Variants in SIM2 observed in about 807,000 individuals in gnomAD.
SIM2 encodes the protein SIM bHLH transcription factor 2, also known as single-minded homolog 2.
Under a neutral mutation model 64.8 loss-of-function variants are expected in SIM2, and 28 were observed. That is an observed-to-expected ratio of 0.43 (90% confidence interval 0.32 to 0.59). The LOEUF is 0.59. SIM2 is among the 20% of genes least tolerant of loss of function. The pLI, the probability that SIM2 is intolerant of heterozygous loss-of-function variation, is 0.07. For missense variants in SIM2, 847 were observed against 871.4 expected, an observed-to-expected ratio of 0.97 and a Z score of 0.35; for synonymous variants, 408 against 391.1, an observed-to-expected ratio of 1.04 and a Z score of -0.51.
Position 36,748,758 on chromosome 21 carries a change from T to C in SIM2, c.*666T>C, listed in dbSNP as rs1256764428. 1.3e-5 allele frequency: 2 copies of C among 152,642 alleles called. No homozygotes were observed. Among genetic ancestry groups the C allele is most frequent in the East Asian group, 3.8e-4 (2 of 5,196 alleles). The allele number at this position is 152,642 out of a possible 1,614,324, so 9.5% of individuals were successfully genotyped here. ...GTGCTTCCCAAATACATTAACAAGC[T>C]CTTACTTCCCCCTAACCCCTATGAA... On this transcript the variant is annotated 3_prime_UTR_variant, in exon 11 of 11. Coordinates refer to ENST00000290399, the MANE Select transcript of SIM2 (RefSeq NM_005069.6).
intron 9 of SIM2, 57 bp downstream of exon 9, chr21:36,743,612 C>T: frequency 2.0e-6 from 3 of 1,484,182 alleles, no homozygotes; most frequent in South Asian, 1.2e-5. Flanking sequence ...GGGTTCGGGA[C>T]ACCTGGACAC....
At chr21:36,727,403 G>T (rs1370632055) in intron 6 of SIM2, among the ~76,000 whole-genome samples, 1 of 152,214 alleles carries the variant, frequency 6.6e-6, no homozygotes, top group East Asian at 1.9e-4. Flanking sequence ...TGTGGTGTTT[G>T]TGGGGTACAT....
Position 36,709,265 on chromosome 21 carries a change from CCGG to C in SIM2, c.258+16_258+18del. 6.3e-7 allele frequency: 1 copy of C among 1,579,872 alleles called. No individual in the cohort carries two copies. The highest frequency in any genetic ancestry group is 8.6e-7 in the Non-Finnish European group (1 of 1,164,688). The stretch of plus-strand genomic sequence containing the variant: ...ACTTGCTGCAGGTAGAGCGGCCTCG[CCGG>C]GGGAGGAGCGCAGCCGCCGCAGGCT... On this transcript the variant is annotated intron_variant, in intron 2 of 10. Transcript: ENST00000290399.
intron 3 of SIM2, among the ~76,000 whole-genome samples, 163 bp downstream of exon 3, chr21:36,712,785 G>A (rs949878517): frequency 7.9e-5 from 12 of 152,142 alleles, no homozygotes; most frequent in African/African-American, 1.7e-4. Context: ...TCCTGCAGGG[G>A]TTTTCTTCTC....
rs561140552 is a variant in SIM2, at chr21:36,724,513, A to G, written c.543+1383A>G. 2.0e-5 allele frequency among the ~76,000 whole-genome samples: 3 copies of G among 152,328 alleles called. No individual in the cohort carries two copies. In the East Asian group the frequency reaches 5.8e-4, roughly 29 times the overall value. On this transcript the variant is annotated intron_variant, in intron 5 of 10. Coordinates refer to ENST00000290399, the MANE Select transcript of SIM2 (RefSeq NM_005069.6). ...AGGCTGGTCTTGAGTCCCTAGCCTC[A>G]GTCAATCCTCCTGCCTTGGCCTCCC...
In SIM2 at chr21:36,748,802, G is replaced by GT. The variant is rs1292671449; in HGVS notation, c.*711dup. On this transcript the variant is annotated 3_prime_UTR_variant, in exon 11 of 11. Transcript: ENST00000290399. ...CTATGAACTCTTGATAACACCAAGAGTAGCACCTTCAGAATATATTGAATA... is the reference window on the plus strand; with the variant it reads ...CTATGAACTCTTGATAACACCAAGAGTTAGCACCTTCAGAATATATTGAATA... 4 of 152,554 alleles carry GT rather than the reference G, an allele frequency of 2.6e-5. No homozygotes were observed. Among genetic ancestry groups the GT allele is most frequent in the Non-Finnish European group, 5.9e-5 (4 of 68,030 alleles). The allele number at this position is 152,554 out of a possible 1,614,324, so 9.5% of individuals were successfully genotyped here. A position where few individuals can be genotyped will look rare whatever the true frequency, so the allele number is the denominator to read the frequency against.
chr21:36,723,536 C>T (rs1046541377), intron 5 of SIM2, among the ~76,000 whole-genome samples: 19 of 152,204 alleles, frequency 1.2e-4, no homozygotes, highest in African/African-American at 4.1e-4. Flanking sequence ...TCCCTGCCGC[C>T]GATGACGGTG....
rs2089289667 is a variant in SIM2, at chr21:36,749,235, G to C, written c.*1143G>C. 6.6e-6 allele frequency: 1 copy of C among 152,602 alleles called. No homozygotes were observed. Among genetic ancestry groups the C allele is most frequent in the Non-Finnish European group, 1.5e-5 (1 of 68,034 alleles). 9.5% of individuals were successfully genotyped at this position (152,602 alleles called of 1,614,324 possible). Reference sequence around the variant, plus strand: ...AAAGATCTCAACATGGAAAAATCCTGTCATGGCTCTGAACTGCACAATGCA... The same window carrying C: ...AAAGATCTCAACATGGAAAAATCCTCTCATGGCTCTGAACTGCACAATGCA... On this transcript the variant is annotated 3_prime_UTR_variant, in exon 11 of 11. Transcript: ENST00000290399.
intron 7 of SIM2, among the ~76,000 whole-genome samples, chr21:36,739,993 AAGAAAGAAAGAAAGAG>A (rs1485286852): frequency 1.5e-5 from 2 of 135,000 alleles, no homozygotes; most frequent in African/African-American, 2.9e-5. Context: ...GAAAGAAGAG[AAGAAAGAAAGAAAGAG>A]AGAAAGAAAG....
In SIM2 at chr21:36,709,254, G is replaced by C. The variant is rs769846242; in HGVS notation, c.258+4G>C. ...GCTGGGATCGCACTTGCTGCAGGTA[G>C]AGCGGCCTCGCCGGGGGAGGAGCGC... On this transcript the variant is annotated splice_donor_region_variant and intron_variant, in intron 2 of 10. Transcript: ENST00000290399. 7.5e-6 allele frequency: 12 copies of C among 1,594,414 alleles called. No homozygotes were observed. The East Asian group carries it at 2.7e-4, about 36-fold the overall frequency.
intron 1 of SIM2, among the ~76,000 whole-genome samples, chr21:36,705,514 G>C (rs2088568307): frequency 6.6e-6 from 1 of 152,226 alleles, no homozygotes; most frequent in Non-Finnish European, 1.5e-5. Flanking sequence ...AGTGATGGCA[G>C]CCCGGCAAAC....
intron 5 of SIM2, 85 bp downstream of exon 5, chr21:36,723,215 G>T: frequency 9.0e-7 from 1 of 1,115,692 alleles, no homozygotes. Flanking sequence ...AGGAAGGCAC[G>T]GGAGCACAAA....
intron 4 of SIM2, among the ~76,000 whole-genome samples, chr21:36,722,283 G>A (rs2088832925): frequency 2.0e-5 from 3 of 152,332 alleles, no homozygotes; most frequent in Admixed American, 1.3e-4. Context: ...TCCAACTGGG[G>A]CAGGGGGTGC....
chr21:36,707,850 G>A (rs1312461021), intron 1 of SIM2, among the ~76,000 whole-genome samples: 3 of 152,104 alleles, frequency 2.0e-5, no homozygotes, highest in Non-Finnish European at 4.4e-5. Context: ...TCCACGGCTG[G>A]TCAGGTTCCC....
chr21:36,744,632 T>C (rs943609822), intron 9 of SIM2, 96 bp from the exon 10 acceptor site: 10 of 1,428,436 alleles, frequency 7.0e-6, no homozygotes, highest in Non-Finnish European at 9.3e-6. Flanking sequence ...AGCCCTTGGA[T>C]GGGGTTGGGC....
chr21:36,709,891 C>G (rs1409976688), intron 2 of SIM2: 1 of 169,048 alleles, frequency 5.9e-6, no homozygotes, highest in Non-Finnish European at 1.3e-5. Flanking sequence ...TGCAATGGCG[C>G]GATCTCGGCT....
intron 5 of SIM2, among the ~76,000 whole-genome samples, chr21:36,723,521 C>T (rs1013771643): frequency 6.6e-6 from 1 of 152,204 alleles, no homozygotes; most frequent in African/African-American, 2.4e-5. Flanking sequence ...GATGCTCCAC[C>T]AAGTTCCCTG....
At chr21:36,743,805 T>G (rs1361818715) in intron 9 of SIM2, among the ~76,000 whole-genome samples, 1 of 152,160 alleles carries the variant, frequency 6.6e-6, no homozygotes, top group Admixed American at 6.5e-5. Flanking sequence ...CTAGAATCCA[T>G]GGGTTAGATT....
rs149786959 is a variant in SIM2 at position 36,731,111 on chromosome 21, C to T, written c.810C>T (p.His270=). ...LIEKTLYHHV[H]GCDVFHLRYA... is the part of the protein sequence containing the mutation. ...AGAAGACCCTATACCATCACGTGCA[C>T]GGCTGCGACGTGTTCCACCTCCGCT... The change falls in exon 7 of 11, where the codon CAC becomes CAT. Residue 270 remains histidine (H), a synonymous_variant. Coordinates refer to ENST00000290399, the MANE Select transcript of SIM2 (RefSeq NM_005069.6). 41 of 1,613,896 alleles carry T rather than the reference C, an allele frequency of 2.5e-5. No individual in the cohort carries two copies. The highest frequency in any genetic ancestry group is 1.5e-4 in the African/African-American group (11 of 74,922).
Sources: allele counts gnomAD v4.1 joint callset (sites outside exome capture counted in the v4.1 genomes callset), GRCh38; gene constraint gnomAD v4.1.1; transcripts MANE v1.5; gene names NCBI Gene and HGNC (gene_info 2026-07-23, HGNC 2026-07-21).